The following UGT2A2 variants were observed in gnomAD, a reference collection of about 807,000 sequenced individuals.
The protein encoded by UGT2A2 is UDP glucuronosyltransferase family 2 member A2, also known as UDP-glucuronosyltransferase 2A2.
Under a neutral mutation model 50.7 loss-of-function variants are expected in UGT2A2, and 60 were observed. That is an observed-to-expected ratio of 1.18 (90% confidence interval 0.96 to 1.47). The LOEUF (loss-of-function observed/expected upper bound fraction) is 1.47, where lower values mean the gene tolerates loss of function less well. UGT2A2 is among the 40% of genes most tolerant of loss of function. UGT2A2 has a pLI of 0.00. For missense variants in UGT2A2, 762 were observed against 634.0 expected (o/e 1.20, Z -2.17); for synonymous variants, 242 against 214.6 (o/e 1.13, Z -1.11).
chr4:69,591,891 T>C (rs1262376943), intron 5 of UGT2A2, among the ~76,000 whole-genome samples: 3 of 152,312 alleles, frequency 2.0e-5, no homozygotes, highest in African/African-American at 7.2e-5. Context: ...AAAAAGATCA[T>C]ACTGAGCCTT....
At chr4:69,627,548 AAGAG>A (rs780406424) in intron 1 of UGT2A2, among the ~76,000 whole-genome samples, 101 of 62,650 alleles carry the variant, frequency 1.6e-3, no homozygotes, top group African/African-American at 3.2e-3. Flanking sequence ...GAGAGAGAGA[AAGAG>A]AGAGAGAGAG....
At chr4:69,621,737 A>G (rs554185328) in intron 1 of UGT2A2, among the ~76,000 whole-genome samples, 1 of 152,138 alleles carries the variant, frequency 6.6e-6, no homozygotes, top group Admixed American at 6.6e-5. Flanking sequence ...AATAGCAAAA[A>G]CATGAAGTCA....
chr4:69,612,444 T>C (rs1720120036), intron 1 of UGT2A2, among the ~76,000 whole-genome samples: 1 of 151,684 alleles, frequency 6.6e-6, no homozygotes, highest in Admixed American at 6.6e-5. Flanking sequence ...ATAGCCAAAG[T>C]AAAGAACTAA....
chr4:69,619,754 A>G (rs980120950), intron 1 of UGT2A2, among the ~76,000 whole-genome samples: 2 of 152,054 alleles, frequency 1.3e-5, no homozygotes, highest in Non-Finnish European at 2.9e-5. Context: ...AAAATCCTCA[A>G]CAAAATACTT....
At chr4:69,637,703 T>C (rs937720216) in intron 1 of UGT2A2, among the ~76,000 whole-genome samples, 3 of 152,080 alleles carry the variant, frequency 2.0e-5, no homozygotes, top group Non-Finnish European at 2.9e-5. Flanking sequence ...AATTTATATA[T>C]TTATTTTATT....
intron 1 of UGT2A2, among the ~76,000 whole-genome samples, chr4:69,621,487 A>C (rs1720753366): frequency 1.3e-5 from 2 of 152,134 alleles, no homozygotes; most frequent in Non-Finnish European, 2.9e-5. Flanking sequence ...TTTTATTAAA[A>C]AGTAAAAAAA....
Position 69,638,913 on chromosome 4 carries a change from T to A in UGT2A2, c.728A>T (p.Tyr243Phe), listed in dbSNP as rs975720728. 1.3e-6 allele frequency: 2 copies of A among 1,586,442 alleles called. No individual in the cohort carries two copies. Among genetic ancestry groups the A allele is most frequent in the African/African-American group, 2.7e-5 (2 of 73,790 alleles). The change falls in exon 1 of 6, where the codon TAT (tyrosine) becomes TTT (phenylalanine). Residue 243 changes from tyrosine (Y) to phenylalanine (F), a missense_variant. Physicochemically the swap from Tyr to Phe is conservative, Grantham distance 22. Coordinates refer to ENST00000604629, the MANE Select transcript of UGT2A2 (RefSeq NM_001105677.2). ...TTTAGACTTACCTAAAATTTTGCTATAGTATGAATTCCATTCTCCCCAGTA... is the reference window on the plus strand; with the variant it reads ...TTTAGACTTACCTAAAATTTTGCTAAAGTATGAATTCCATTCTCCCCAGTA... Reference protein sequence around the residue: ...QSYWGEWNSYYSKILGRPTTL... With the variant: ...QSYWGEWNSYFSKILGRPTTL...
chr4:69,603,275 T>A (rs894524824), intron 1 of UGT2A2, among the ~76,000 whole-genome samples: 1 of 134,108 alleles, frequency 7.5e-6, no homozygotes, highest in Non-Finnish European at 1.6e-5. Flanking sequence ...AGAACTAATA[T>A]AAAGGAAAGC....
intron 1 of UGT2A2, among the ~76,000 whole-genome samples, chr4:69,628,158 T>C (rs950848454): frequency 6.6e-6 from 1 of 151,916 alleles, no homozygotes; most frequent in Admixed American, 6.6e-5. Flanking sequence ...ATATTTAATT[T>C]GTCTCAGGGC....
chr4:69,598,035 TAATA>T (rs1197708482), intron 2 of UGT2A2, among the ~76,000 whole-genome samples: 2 of 152,096 alleles, frequency 1.3e-5, no homozygotes, highest in Non-Finnish European at 2.9e-5. Context: ...AGGAAAAACA[TAATA>T]GGGTGTCATG....
chr4:69,639,148 C>T lies in UGT2A2; in HGVS notation c.493G>A (p.Gly165Ser). The T allele has an allele frequency of 6.2e-7, 1 of 1,613,608 alleles. No homozygotes were observed. The highest frequency in any genetic ancestry group is 1.1e-5 in the South Asian group (1 of 91,030). ...CCTAATTTCAGAGCAACAAGATCAC[C>T]ACAGATTGTTACTGGGTCTGCTACC... ...VLVADPVTIC[G>S]DLVALKLGIP... The change falls in exon 1 of 6, where the codon GGT becomes AGT. Residue 165 changes from glycine to serine, a missense_variant. Gly to Ser is a moderately conservative substitution (Grantham distance 56). Coordinates refer to ENST00000604629, the MANE Select transcript of UGT2A2 (RefSeq NM_001105677.2).
At chr4:69,626,001 G>C (rs1001945549) in intron 1 of UGT2A2, among the ~76,000 whole-genome samples, 1 of 151,520 alleles carries the variant, frequency 6.6e-6, no homozygotes. Flanking sequence ...AGCTGTTTTA[G>C]AGTACTTGTC....
rs1451293879 is a variant in UGT2A2, at chr4:69,594,586, C to T, written c.1222G>A (p.Asp408Asn). 1 of 1,614,136 alleles carries T rather than the reference C, an allele frequency of 6.2e-7. No individual in the cohort carries two copies. Among genetic ancestry groups the T allele is most frequent in the South Asian group, 1.1e-5 (1 of 91,080 alleles). Residue 408 changes from aspartate (D) to asparagine (N), a missense_variant, in exon 5 of 6, where the codon GAT (aspartate) becomes AAT (asparagine). Physicochemically the swap from Asp to Asn is conservative, Grantham distance 23. Coordinates refer to ENST00000604629, the MANE Select transcript of UGT2A2 (RefSeq NM_001105677.2). ...VGVPMFADQP[D>N]NIAHMKAKGA... is the part of the protein sequence containing the mutation. ...TTGGCCTTCATGTGAGCAATGTTAT[C>T]AGGCTGATCAGCAAACATGGGAACT...
intron 2 of UGT2A2, among the ~76,000 whole-genome samples, chr4:69,598,793 C>T (rs4148299): frequency 6.6e-6 from 1 of 151,748 alleles, no homozygotes; most frequent in Non-Finnish European, 1.5e-5. Flanking sequence ...AAGAGCCCTG[C>T]CTTATTTCAT....
intron 1 of UGT2A2, among the ~76,000 whole-genome samples, chr4:69,627,463 A>AGCAGGCAGGCAG (rs1002480493): frequency 3.1e-5 from 2 of 63,832 alleles, no homozygotes; most frequent in African/African-American, 1.5e-4. Flanking sequence ...CAGACAGGCA[A>AGCAGGCAGGCAG]GCAGGCAGGC....
chr4:69,613,335 T>C (rs765410413), intron 1 of UGT2A2, among the ~76,000 whole-genome samples: 4 of 151,984 alleles, frequency 2.6e-5, no homozygotes, highest in Non-Finnish European at 5.9e-5. Context: ...GGTAAAGCAG[T>C]GATAAAAATT....
rs369906858 is a variant in UGT2A2, at chr4:69,639,007, G to C, written c.634C>G (p.Gln212Glu). 1.2e-6 allele frequency: 2 copies of C among 1,613,048 alleles called. No individual in the cohort carries two copies. Among genetic ancestry groups the C allele is most frequent in the Admixed American group, 1.7e-5 (1 of 59,872 alleles). The change falls in exon 1 of 6, where the codon CAG becomes GAG. Residue 212 changes from glutamine (Q) to glutamate (E), a missense_variant. Coordinates refer to ENST00000604629, the MANE Select transcript of UGT2A2 (RefSeq NM_001105677.2). The part of the protein sequence containing the change: ...VPAALSELTD[Q>E]MTFGERIKNT... ...TTAATCCTTTCACCAAAGGTCATCT[G>C]GTCAGTGAGCTCTGATAAGGCTGCC...
intron 1 of UGT2A2, among the ~76,000 whole-genome samples, chr4:69,636,713 T>C (rs1284631910): frequency 6.6e-6 from 1 of 152,128 alleles, no homozygotes; most frequent in Non-Finnish European, 1.5e-5. Context: ...TAAAAAGGGT[T>C]TTATCATTGC....
At chr4:69,611,659 A>G (rs1294448780) in intron 1 of UGT2A2, among the ~76,000 whole-genome samples, 3 of 152,258 alleles carry the variant, frequency 2.0e-5, no homozygotes, top group East Asian at 3.9e-4. Flanking sequence ...ATTATTTTTC[A>G]TTAGGCTGGG....
Sources: allele counts gnomAD v4.1 joint callset (sites outside exome capture counted in the v4.1 genomes callset), GRCh38; gene constraint gnomAD v4.1.1; transcripts MANE v1.5; gene names NCBI Gene and HGNC (gene_info 2026-07-23, HGNC 2026-07-21).